FRMD5: variants seen among roughly 807,000 people sequenced by gnomAD.
FRMD5 encodes FERM domain-containing protein 5.
FRMD5 carries 20 observed loss-of-function variants against 69.0 expected under a neutral mutation model. That is an observed-to-expected ratio of 0.29 (90% confidence interval 0.20 to 0.42). The LOEUF (loss-of-function observed/expected upper bound fraction) is 0.42, where lower values mean the gene tolerates loss of function less well. Ranked by LOEUF, FRMD5 falls within the 10% of genes least tolerant of loss-of-function variation. The pLI is 1.00. For missense variants in FRMD5, 595 were observed against 708.6 expected (o/e 0.84, Z 1.82); for synonymous variants, 271 against 260.1 (o/e 1.04, Z -0.40).
intron 1 of FRMD5, among the ~76,000 whole-genome samples, chr15:43,952,030 G>A (rs1305235998): frequency 6.7e-6 from 1 of 149,002 alleles, no homozygotes; most frequent in Non-Finnish European, 1.5e-5. Flanking sequence ...GTGTGTGTGT[G>A]TGTGTGTGTG....
intron 1 of FRMD5, among the ~76,000 whole-genome samples, chr15:44,055,961 A>G (rs941660389): frequency 2.0e-5 from 3 of 152,158 alleles, no homozygotes; most frequent in African/African-American, 7.2e-5. Flanking sequence ...TCTAACCACC[A>G]TTTTACCTCC....
intron 1 of FRMD5, among the ~76,000 whole-genome samples, chr15:43,991,257 C>T (rs1889662933): frequency 6.6e-6 from 1 of 152,170 alleles, no homozygotes; most frequent in Non-Finnish European, 1.5e-5. Context: ...TCCCTTTCTC[C>T]CAGATCCTCT....
chr15:44,073,767 G>C (rs1893639544), intron 1 of FRMD5, among the ~76,000 whole-genome samples: 1 of 152,036 alleles, frequency 6.6e-6, no homozygotes, highest in African/African-American at 2.4e-5. Flanking sequence ...ATCCTTCCCA[G>C]ACAAAAACAA....
chr15:43,971,232 C>T (rs1324951340), intron 1 of FRMD5, among the ~76,000 whole-genome samples: 1 of 150,506 alleles, frequency 6.6e-6, no homozygotes, highest in Non-Finnish European at 1.5e-5. Context: ...GAGTATGACT[C>T]CACCTCACAA....
intron 1 of FRMD5, among the ~76,000 whole-genome samples, chr15:43,942,763 G>T (rs764282717): frequency 1.3e-5 from 2 of 152,098 alleles, no homozygotes; most frequent in Admixed American, 1.3e-4. Context: ...CCATAAAAGA[G>T]AATATTTCTT....
chr15:44,184,116 T>C (rs1403540557), intron 1 of FRMD5, among the ~76,000 whole-genome samples: 1 of 152,186 alleles, frequency 6.6e-6, no homozygotes, highest in East Asian at 1.9e-4. Context: ...ATCTTTTGTT[T>C]CTCCATTTAG....
Position 44,166,509 on chromosome 15 carries a change from G to GTA in FRMD5, c.102+28443_102+28444insTA, listed in dbSNP as rs2077711040. Among the ~76,000 whole-genome samples the GTA allele has an allele frequency of 2.6e-5, 4 of 151,996 alleles. No individual in the cohort carries two copies. In the South Asian group the frequency reaches 8.3e-4, roughly 32 times the overall value. On this transcript the variant is annotated intron_variant, in intron 1 of 13. Transcript: ENST00000417257. Reference sequence around the variant, plus strand: ...CTTAGAAAATTCTCATGTACGCCAGGTGCGATGGCTCATGCCTGTAACCCT... The same window carrying GTA: ...CTTAGAAAATTCTCATGTACGCCAGGTATGCGATGGCTCATGCCTGTAACCCT...
At chr15:44,152,697 T>A (rs2077465999) in intron 1 of FRMD5, among the ~76,000 whole-genome samples, 1 of 152,188 alleles carries the variant, frequency 6.6e-6, no homozygotes, top group African/African-American at 2.4e-5. Context: ...TACTTGCACT[T>A]CCCTGATGAA....
chr15:44,121,458 G>C (rs2076949838), intron 1 of FRMD5, among the ~76,000 whole-genome samples: 1 of 152,056 alleles, frequency 6.6e-6, no homozygotes, highest in Non-Finnish European at 1.5e-5. Flanking sequence ...CTGAAATCTT[G>C]ATCTGCTTTC....
At chr15:44,023,057 A>G (rs1476944640) in intron 1 of FRMD5, among the ~76,000 whole-genome samples, 2 of 152,188 alleles carry the variant, frequency 1.3e-5, no homozygotes, top group African/African-American at 4.8e-5. Flanking sequence ...GAGGTCCAGT[A>G]GCTTATCTGT....
intron 1 of FRMD5, among the ~76,000 whole-genome samples, chr15:44,067,380 T>G (rs1266846307): frequency 6.6e-6 from 1 of 152,202 alleles, no homozygotes; most frequent in Non-Finnish European, 1.5e-5. Flanking sequence ...ATGGTCATAT[T>G]CAAAATGTAA....
chr15:43,973,890 C>A (rs1008641326), intron 1 of FRMD5, among the ~76,000 whole-genome samples: 1 of 150,848 alleles, frequency 6.6e-6, no homozygotes, highest in Non-Finnish European at 1.5e-5. Context: ...CAGGCCTCCT[C>A]AATCTTCTAC....
rs2078268755 is a variant in FRMD5, at chr15:44,195,103, G to A, written c.-49C>T. The A allele has an allele frequency of 2.8e-6, 4 of 1,434,442 alleles. No individual in the cohort carries two copies. Among genetic ancestry groups the A allele is most frequent in the Admixed American group, 2.2e-5 (1 of 45,488 alleles). The allele number at this position is 1,434,442 out of a possible 1,614,324, so 88.9% of individuals were successfully genotyped here. A position where few individuals can be genotyped will look rare whatever the true frequency, so the allele number is the denominator to read the frequency against. ...CGACGCGGCGGCGCTGCGGACCCTG[G>A]ACCAGGCGTCCCTCAGCCCGGCAGC... On this transcript the variant is annotated 5_prime_UTR_variant, in exon 1 of 14. Coordinates refer to ENST00000417257, the MANE Select transcript of FRMD5 (RefSeq NM_032892.5).
intron 1 of FRMD5, among the ~76,000 whole-genome samples, chr15:44,177,067 T>G (rs1359134579): frequency 6.6e-6 from 1 of 150,808 alleles, no homozygotes; most frequent in Non-Finnish European, 1.5e-5. Context: ...TTCCAAAGGG[T>G]TTGAGCACTG....
chr15:44,195,461 C>G (rs529395204), upstream of FRMD5, among the ~76,000 whole-genome samples: 1 of 152,314 alleles, frequency 6.6e-6, no homozygotes, highest in South Asian at 2.1e-4. Context: ...GCCGGAGCAG[C>G]CCTCTAGCGT....
intron 1 of FRMD5, among the ~76,000 whole-genome samples, chr15:43,960,767 T>G (rs1246879896): frequency 6.6e-6 from 1 of 152,306 alleles, no homozygotes; most frequent in East Asian, 1.9e-4. Context: ...CAGTAAAAGA[T>G]AAATAAGAAA....
At chr15:44,087,902 G>C (rs1894271778) in intron 1 of FRMD5, among the ~76,000 whole-genome samples, 1 of 152,126 alleles carries the variant, frequency 6.6e-6, no homozygotes, top group Non-Finnish European at 1.5e-5. Flanking sequence ...AAGCCCAATA[G>C]TTACACTGAG....
chr15:44,143,591 C>T (rs2140451791), intron 1 of FRMD5, among the ~76,000 whole-genome samples: 1 of 150,972 alleles, frequency 6.6e-6, no homozygotes, highest in African/African-American at 2.4e-5. Context: ...TCCCAACAAA[C>T]TATAATAGAG....
intron 4 of FRMD5, among the ~76,000 whole-genome samples, chr15:43,914,730 T>C (rs2089353364): frequency 7.1e-6 from 1 of 140,220 alleles, no homozygotes; most frequent in Non-Finnish European, 1.5e-5. Context: ...TACCTTTTTT[T>C]TTTTTTTTTT....
Sources: allele counts gnomAD v4.1 joint callset (sites outside exome capture counted in the v4.1 genomes callset), GRCh38; gene constraint gnomAD v4.1.1; transcripts MANE v1.5; gene names NCBI Gene and HGNC (gene_info 2026-07-23, HGNC 2026-07-21).